ARHGEF10: variants seen among roughly 807,000 people sequenced by gnomAD.
ARHGEF10 encodes the protein Rho guanine nucleotide exchange factor (GEF) 10.
Under a neutral mutation model 147.4 loss-of-function variants are expected in ARHGEF10, and 140 were observed. The observed-to-expected ratio is 0.95, with a 90% CI of 0.83 to 1.09. ARHGEF10 has a LOEUF of 1.09. ARHGEF10 is among the 50% of genes least tolerant of loss of function. ARHGEF10 has a pLI of 0.00. For missense variants in ARHGEF10, 2,222 were observed against 1,752.7 expected, an observed-to-expected ratio of 1.27 and a Z score of -4.78; for synonymous variants, 902 against 695.8, an observed-to-expected ratio of 1.30 and a Z score of -4.67.
chr8:1,900,499 A>T (rs1191710733), intron 15 of ARHGEF10, among the ~76,000 whole-genome samples: 1 of 152,134 alleles, frequency 6.6e-6, no homozygotes, highest in Non-Finnish European at 1.5e-5. Context: ...AATCTAGTAC[A>T]CTGTCCACAC....
intron 11 of ARHGEF10, 98 bp from the exon 12 acceptor site, chr8:1,893,471 G>T (rs1809714139): frequency 1.2e-6 from 1 of 826,782 alleles, no homozygotes; most frequent in Admixed American, 1.8e-5. Flanking sequence ...TCTAAAAATA[G>T]AAAAGTTACT....
At chr8:1,881,937 G>T (rs1056614389) in intron 9 of ARHGEF10, among the ~76,000 whole-genome samples, 2 of 152,196 alleles carry the variant, frequency 1.3e-5, no homozygotes, top group African/African-American at 4.8e-5. Context: ...GGTTTTTAAG[G>T]AATAAGAAAT....
intron 17 of ARHGEF10, among the ~76,000 whole-genome samples, chr8:1,907,392 G>A (rs947153624): frequency 6.6e-6 from 1 of 152,176 alleles, no homozygotes. Flanking sequence ...GGACATTAAT[G>A]CTTGTTCCAC....
Position 1,919,394 on chromosome 8 carries a change from T to A in ARHGEF10, c.2144-3570T>A, listed in dbSNP as rs554472052. 2.7e-5 allele frequency among the ~76,000 whole-genome samples: 4 copies of A among 149,164 alleles called. No homozygotes were observed. The East Asian group carries it at 8.0e-4, about 30-fold the overall frequency. ...AGCTGTTCTCTGGGTGATGGAGCTG[T>A]TCCATGGATGATGGAGCTGTTCCTT... On this transcript the variant is annotated intron_variant, in intron 18 of 28. Coordinates refer to ENST00000349830, the MANE Select transcript of ARHGEF10 (RefSeq NM_014629.4).
intron 7 of ARHGEF10, chr8:1,870,453 C>T (rs1351092455): frequency 6.6e-6 from 1 of 152,080 alleles, no homozygotes; most frequent in African/African-American, 2.4e-5. Flanking sequence ...TAGTAAAGTG[C>T]ATCCTATTGC....
chr8:1,956,938 C>G lies in ARHGEF10; in HGVS notation c.3710C>G (p.Pro1237Arg). Residue 1237 changes from proline to arginine, a missense_variant, in exon 29 of 29, where the codon CCT becomes CGT. Physicochemically the swap from Pro to Arg is moderately radical, Grantham distance 103. Coordinates refer to ENST00000349830, the MANE Select transcript of ARHGEF10 (RefSeq NM_014629.4). ...GAGSSLSQGD[P>R]DAAIWLGDSL... ...GGTTCATCTCTGAGCCAGGGTGACC[C>G]TGACGCAGCCATCTGGTTGGGAGAT... 1.2e-6 allele frequency: 2 copies of G among 1,614,206 alleles called. No homozygotes were observed. The highest frequency in any genetic ancestry group is 1.7e-6 in the Non-Finnish European group (2 of 1,180,042).
At chr8:1,889,285 GT>G (rs1210884019) in intron 11 of ARHGEF10, among the ~76,000 whole-genome samples, 1 of 111,726 alleles carries the variant, frequency 9.0e-6, no homozygotes, top group African/African-American at 3.6e-5. Context: ...TGTGGTGAGG[GT>G]TTGTGAGGAG....
intron 26 of ARHGEF10, among the ~76,000 whole-genome samples, chr8:1,940,201 C>T (rs1813973136): frequency 1.3e-5 from 2 of 152,154 alleles, no homozygotes; most frequent in African/African-American, 2.4e-5. Context: ...TGTCATACGC[C>T]ACGGTTGTTT....
chr8:1,855,258 G>A (rs554644050), intron 2 of ARHGEF10, among the ~76,000 whole-genome samples: 8 of 152,082 alleles, frequency 5.3e-5, no homozygotes, highest in Admixed American at 1.3e-4. Flanking sequence ...TGAGTTCAGC[G>A]GTAGTAAACT....
chr8:1,932,833 G>A (rs184756882), intron 25 of ARHGEF10, among the ~76,000 whole-genome samples: 153 of 152,314 alleles, frequency 1.0e-3, no homozygotes, highest in Admixed American at 2.5e-3. Context: ...AAGAACTGAG[G>A]CCGTGTTCTC....
intron 9 of ARHGEF10, among the ~76,000 whole-genome samples, chr8:1,881,863 C>T (rs920140402): frequency 1.3e-5 from 2 of 152,152 alleles, no homozygotes; most frequent in African/African-American, 2.4e-5. Context: ...TCGGTTGTCC[C>T]ATAAGAGATC....
intron 1 of ARHGEF10, among the ~76,000 whole-genome samples, chr8:1,834,062 G>A (rs930468342): frequency 1.2e-4 from 18 of 152,184 alleles, no homozygotes; most frequent in African/African-American, 4.1e-4. Context: ...CAGAGGCCTG[G>A]GGCACGCAGC....
chr8:1,925,952 T>A (rs140282516), intron 22 of ARHGEF10, among the ~76,000 whole-genome samples: 4 of 152,166 alleles, frequency 2.6e-5, no homozygotes, highest in Admixed American at 6.5e-5. Context: ...CTGGCCAGGG[T>A]TTCCCAGCAG....
intron 8 of ARHGEF10, among the ~76,000 whole-genome samples, chr8:1,878,585 G>C (rs1304376194): frequency 2.0e-5 from 3 of 152,190 alleles, no homozygotes; most frequent in Admixed American, 6.5e-5. Context: ...AGAGTGCTGG[G>C]CTCTGACATC....
intron 27 of ARHGEF10, among the ~76,000 whole-genome samples, chr8:1,952,485 C>G (rs373726382): frequency 8.5e-5 from 13 of 152,366 alleles, no homozygotes; most frequent in African/African-American, 3.1e-4. Context: ...CTGGCCTGTT[C>G]TGTTCAGGTG....
At chr8:1,826,216 A>G (rs1220508575) in intron 1 of ARHGEF10, 3 of 1,261,870 alleles carry the variant, frequency 2.4e-6, no homozygotes, top group African/African-American at 2.9e-5. Flanking sequence ...GTTAAAAGTT[A>G]TTCAGAATAG....
intron 10 of ARHGEF10, among the ~76,000 whole-genome samples, chr8:1,883,728 C>T (rs1353934213): frequency 6.6e-6 from 1 of 152,096 alleles, no homozygotes; most frequent in Non-Finnish European, 1.5e-5. Context: ...GATGAGGTGC[C>T]ATGAGGTGCT....
intron 13 of ARHGEF10, 114 bp downstream of exon 13, chr8:1,894,686 T>C: frequency 1.6e-6 from 2 of 1,233,054 alleles, no homozygotes; most frequent in Non-Finnish European, 2.4e-6. Context: ...AAGTGTGCAG[T>C]TCTCTCTAAA....
At chr8:1,880,283 C>T in intron 9 of ARHGEF10, 119 bp downstream of exon 9, 1 of 740,870 alleles carries the variant, frequency 1.3e-6, no homozygotes, top group Non-Finnish European at 2.4e-6. Flanking sequence ...TCCGGGGCTC[C>T]TGGAATCCCC....
Sources: allele counts gnomAD v4.1 joint callset (sites outside exome capture counted in the v4.1 genomes callset), GRCh38; gene constraint gnomAD v4.1.1; transcripts MANE v1.5; gene names NCBI Gene and HGNC (gene_info 2026-07-23, HGNC 2026-07-21).